The following GAB2 variants were observed in gnomAD, a reference collection of about 807,000 sequenced individuals.
GAB2 encodes GRB2 associated binding protein 2.
Under a neutral mutation model 65.5 loss-of-function variants are expected in GAB2, and 26 were observed. That is an observed-to-expected ratio of 0.40 (90% confidence interval 0.29 to 0.55). The LOEUF is 0.55. GAB2 is among the 20% of genes least tolerant of loss of function. GAB2 has a pLI of 0.53. For synonymous variants in GAB2, 321 were observed against 329.6 expected (o/e 0.97, Z 0.28); for missense variants, 884 against 875.8 (o/e 1.01, Z -0.12).
At chr11:78,262,830 C>T (rs567535107) in intron 2 of GAB2, among the ~76,000 whole-genome samples, 1 of 152,316 alleles carries the variant, frequency 6.6e-6, no homozygotes, top group East Asian at 1.9e-4. Context: ...TTTGAGCAGG[C>T]CTGCCAAAGC....
At chr11:78,294,188 G>A (rs567820585) in intron 1 of GAB2, among the ~76,000 whole-genome samples, 21 of 152,230 alleles carry the variant, frequency 1.4e-4, no homozygotes, top group Middle Eastern at 6.8e-3. Flanking sequence ...TTGTCCTTGC[G>A]ATAGTTTGCT....
intron 1 of GAB2, among the ~76,000 whole-genome samples, chr11:78,301,623 G>A (rs930593387): frequency 5.9e-5 from 9 of 152,144 alleles, no homozygotes; most frequent in African/African-American, 1.9e-4. Context: ...GTGAGCCACC[G>A]TACCCAGTCT....
intron 1 of GAB2, among the ~76,000 whole-genome samples, chr11:78,304,705 C>G (rs918385410): frequency 6.6e-6 from 1 of 152,128 alleles, no homozygotes; most frequent in Non-Finnish European, 1.5e-5. Context: ...CTACCTGCAG[C>G]CTGACATTAA....
chr11:78,389,883 G>A (rs144664636), intron 1 of GAB2, among the ~76,000 whole-genome samples: 1 of 152,222 alleles, frequency 6.6e-6, no homozygotes, highest in African/African-American at 2.4e-5. Context: ...GCAATGCCTA[G>A]CTGAAGTTCT....
intron 1 of GAB2, among the ~76,000 whole-genome samples, chr11:78,287,486 C>T (rs1866516625): frequency 6.6e-6 from 1 of 152,064 alleles, no homozygotes; most frequent in Admixed American, 6.5e-5. Context: ...CTATTTTTCC[C>T]AGGCTGTTCT....
chr11:78,315,142 GA>G (rs1274599290), intron 1 of GAB2, among the ~76,000 whole-genome samples: 1 of 152,214 alleles, frequency 6.6e-6, no homozygotes, highest in Non-Finnish European at 1.5e-5. Flanking sequence ...GGGCAGGGGG[GA>G]GGAGGTCTCT....
chr11:78,307,603 T>G (rs371444653), intron 1 of GAB2, among the ~76,000 whole-genome samples: 1 of 83,328 alleles, frequency 1.2e-5, no homozygotes, highest in Non-Finnish European at 2.2e-5. Context: ...ACAAAAAATG[T>G]TAGAGAGAGA....
At chr11:78,319,922 C>A (rs549625119) in intron 1 of GAB2, among the ~76,000 whole-genome samples, 60 of 151,040 alleles carry the variant, frequency 4.0e-4, no homozygotes, top group Non-Finnish European at 7.4e-4. Context: ...GGGTGGAGTG[C>A]TGGAGTGCAC....
chr11:78,336,347 A>AC, intron 1 of GAB2, among the ~76,000 whole-genome samples: 1 of 149,020 alleles, frequency 6.7e-6, no homozygotes, highest in Non-Finnish European at 1.5e-5. Context: ...AAAAAAAAAA[A>AC]AAAAAAAAAA....
At chr11:78,231,222 A>G (rs189177779) in intron 3 of GAB2, among the ~76,000 whole-genome samples, 1 of 152,348 alleles carries the variant, frequency 6.6e-6, no homozygotes, top group Admixed American at 6.5e-5. Flanking sequence ...TATTCCCTCA[A>G]GCCAGCAGTG....
In GAB2 at chr11:78,218,808, G is replaced by A; in HGVS notation, c.*464C>T. 6.4e-6 allele frequency: 1 copy of A among 156,982 alleles called. No homozygotes were observed. 9.7% of individuals were successfully genotyped at this position (156,982 alleles called of 1,614,324 possible). On this transcript the variant is annotated 3_prime_UTR_variant, in exon 10 of 10. Transcript: ENST00000361507. ...GTCCATTATCCACTTTGGTTTGCTGGTCCTTGACTCCCTGGGTTGGTGAGA... is the reference window on the plus strand; with the variant it reads ...GTCCATTATCCACTTTGGTTTGCTGATCCTTGACTCCCTGGGTTGGTGAGA...
intron 1 of GAB2, among the ~76,000 whole-genome samples, chr11:78,284,884 T>C (rs1418002819): frequency 6.6e-6 from 1 of 152,188 alleles, no homozygotes; most frequent in Non-Finnish European, 1.5e-5. Flanking sequence ...AATCAATATA[T>C]ATATAATTAA....
chr11:78,412,618 T>C (rs917271189), intron 1 of GAB2, among the ~76,000 whole-genome samples: 3 of 152,370 alleles, frequency 2.0e-5, no homozygotes, highest in African/African-American at 7.2e-5. Context: ...TACTGTACTA[T>C]AATTTTGCAA....
chr11:78,309,279 T>C (rs1250503352), intron 1 of GAB2, among the ~76,000 whole-genome samples: 1 of 152,140 alleles, frequency 6.6e-6, no homozygotes, highest in African/African-American at 2.4e-5. Flanking sequence ...CAGTGTACAA[T>C]TCAGTAGCTT....
At chr11:78,308,582 T>C (rs1467158159) in intron 1 of GAB2, among the ~76,000 whole-genome samples, 1 of 152,172 alleles carries the variant, frequency 6.6e-6, no homozygotes, top group Admixed American at 6.5e-5. Flanking sequence ...ATACACAACA[T>C]GAGTAAATTT....
intron 1 of GAB2, among the ~76,000 whole-genome samples, chr11:78,316,540 A>G (rs1417643427): frequency 1.3e-5 from 2 of 152,218 alleles, no homozygotes; most frequent in East Asian, 3.8e-4. Flanking sequence ...AGCACATGAA[A>G]AGATGCTCAT....
In GAB2 at chr11:78,218,938, C is replaced by G. The variant is rs114018411; in HGVS notation, c.*334G>C. 5,339 of 234,350 alleles carry G rather than the reference C, an allele frequency of 0.023. 269 individuals are homozygous for G. Among genetic ancestry groups the G allele is most frequent in the African/African-American group, 0.11 (4,981 of 44,390 alleles). 14.5% of individuals were successfully genotyped at this position (234,350 alleles called of 1,614,324 possible). Reference sequence around the variant, plus strand: ...TGGAATCTGGCTCAGAGCCCCAGCCCTTCCCTCCAAACATCTGGTAGAGAG... The same window carrying G: ...TGGAATCTGGCTCAGAGCCCCAGCCGTTCCCTCCAAACATCTGGTAGAGAG... On this transcript the variant is annotated 3_prime_UTR_variant, in exon 10 of 10. Coordinates refer to ENST00000361507, the MANE Select transcript of GAB2 (RefSeq NM_080491.3).
At chr11:78,245,949 T>C (rs28687575) in intron 3 of GAB2, among the ~76,000 whole-genome samples, 2,918 of 146,190 alleles carry the variant, frequency 0.02, 101 homozygotes, top group African/African-American at 0.069. Context: ...TTTCTTTTTT[T>C]CTTTTTTTTT....
At chr11:78,389,544 G>A (rs1856808102) in intron 1 of GAB2, among the ~76,000 whole-genome samples, 1 of 152,112 alleles carries the variant, frequency 6.6e-6, no homozygotes, top group Admixed American at 6.5e-5. Context: ...CCAACCTCAG[G>A]TGATCCACCC....
Sources: allele counts gnomAD v4.1 joint callset (sites outside exome capture counted in the v4.1 genomes callset), GRCh38; gene constraint gnomAD v4.1.1; transcripts MANE v1.5; gene names NCBI Gene and HGNC (gene_info 2026-07-23, HGNC 2026-07-21).